Variants in DCHS2 observed in about 807,000 individuals in gnomAD.
DCHS2 encodes the protein dachsous cadherin-related 2.
DCHS2 carries 142 observed loss-of-function variants against 182.4 expected under a neutral mutation model. The observed-to-expected ratio is 0.78, with a 90% CI of 0.68 to 0.89. DCHS2 has a LOEUF of 0.89. DCHS2 is among the 40% of genes least tolerant of loss of function. The pLI, the probability that DCHS2 is intolerant of heterozygous loss-of-function variation, is 0.00. For synonymous variants in DCHS2, 1,740 were observed against 1,663.3 expected, an observed-to-expected ratio of 1.05 and a Z score of -1.12; for missense variants, 4,319 against 4,198.6, an observed-to-expected ratio of 1.03 and a Z score of -0.79.
chr4:154,417,212 A>T lies in DCHS2; in HGVS notation c.2053-39768T>A, dbSNP rs1404312633. ...GTGTGTGTGTGTGTGTGTGAGAGAG[A>T]GAGAGAGAGAGAGAGAGAGAGAGAG... is the stretch of plus-strand genomic sequence containing the variant. On this transcript the variant is annotated intron_variant, in intron 1 of 19. Coordinates refer to ENST00000357232, the MANE Select transcript of DCHS2 (RefSeq NM_001358235.2). 3.3e-3 allele frequency among the ~76,000 whole-genome samples: 251 copies of T among 75,420 alleles called. 2 individuals carry two copies. Among genetic ancestry groups the T allele is most frequent in the African/African-American group, 9.7e-3 (187 of 19,372 alleles). 49.5% of individuals were successfully genotyped at this position (75,420 alleles called of 152,430 possible). A position where few individuals can be genotyped will look rare whatever the true frequency, so the allele number is the denominator to read the frequency against.
chr4:154,435,469 G>T (rs1733738006), intron 1 of DCHS2, among the ~76,000 whole-genome samples: 1 of 151,988 alleles, frequency 6.6e-6, no homozygotes, highest in South Asian at 2.1e-4. Context: ...GGTGGTGGGT[G>T]CCTGTAGTCC....
intron 1 of DCHS2, among the ~76,000 whole-genome samples, chr4:154,393,123 T>G: frequency 6.6e-6 from 1 of 152,206 alleles, no homozygotes; most frequent in South Asian, 2.1e-4. Context: ...ACAAATGGTA[T>G]CCAACAGAAA....
chr4:154,423,912 C>T (rs533915742), intron 1 of DCHS2, among the ~76,000 whole-genome samples: 163 of 152,318 alleles, frequency 1.1e-3, no homozygotes, highest in South Asian at 2.7e-3. Flanking sequence ...AACGCCAATA[C>T]TGCTGGTCCA....
rs1485296452 is a variant in DCHS2, at chr4:154,489,572, TTTGA to T, written c.1780_1783del (p.Ser594ArgfsTer27). On this transcript the variant is annotated frameshift_variant, in exon 1 of 20. Transcript: ENST00000357232. LOFTEE classifies it high-confidence loss of function. ...TCCACACTCTGCGGTGTGGACCATC[TTTGA>T]TTGCAGGGAGCCGAGATTGCAGGGA... The T allele has an allele frequency of 6.4e-7, 1 of 1,550,998 alleles. No individual in the cohort carries two copies. The highest frequency in any genetic ancestry group is 1.2e-5 in the South Asian group (1 of 84,046).
chr4:154,278,771 A>G (rs1296427875), intron 13 of DCHS2, among the ~76,000 whole-genome samples: 1 of 152,088 alleles, frequency 6.6e-6, no homozygotes, highest in African/African-American at 2.4e-5. Flanking sequence ...AACCAAGAAT[A>G]CCACGTCTTC....
At chr4:154,386,099 C>A (rs550465937) in intron 1 of DCHS2, among the ~76,000 whole-genome samples, 76 of 152,308 alleles carry the variant, frequency 5.0e-4, no homozygotes, top group Non-Finnish European at 8.7e-4. Context: ...AACGATACTA[C>A]CATTCACTTT....
At chr4:154,485,103 CT>C (rs201276679) in intron 1 of DCHS2, among the ~76,000 whole-genome samples, 13 of 73,862 alleles carry the variant, frequency 1.8e-4, no homozygotes, top group African/African-American at 4.6e-4. Context: ...GTGTTATGAG[CT>C]TTTTTTTTTA....
intron 1 of DCHS2, 84 bp downstream of exon 1, chr4:154,489,220 A>G: frequency 8.9e-7 from 1 of 1,127,392 alleles, no homozygotes; most frequent in Non-Finnish European, 1.2e-6. Context: ...ATTATCCTCC[A>G]CATCACAATT....
chr4:154,344,929 T>C (rs968006244), intron 3 of DCHS2, among the ~76,000 whole-genome samples: 2 of 152,204 alleles, frequency 1.3e-5, no homozygotes, highest in African/African-American at 4.8e-5. Context: ...AGGTCTTGCG[T>C]GGCTGACATA....
At chr4:154,483,278 A>G (rs892805870) in intron 1 of DCHS2, among the ~76,000 whole-genome samples, 1 of 152,222 alleles carries the variant, frequency 6.6e-6, no homozygotes, top group African/African-American at 2.4e-5. Flanking sequence ...CAAGTCATCT[A>G]GAAAAAAATC....
At chr4:154,307,436 C>CGT (rs1561029452) in intron 10 of DCHS2, among the ~76,000 whole-genome samples, 5 of 29,992 alleles carry the variant, frequency 1.7e-4, no homozygotes, top group South Asian at 4.9e-3. Flanking sequence ...CACAGATGTG[C>CGT]GCGCGCACAC....
intron 1 of DCHS2, among the ~76,000 whole-genome samples, chr4:154,455,114 C>G (rs552898398): frequency 6.6e-6 from 1 of 152,224 alleles, no homozygotes; most frequent in Non-Finnish European, 1.5e-5. Flanking sequence ...GTAAACACTC[C>G]TTCACAAGTC....
chr4:154,297,840 G>A lies in DCHS2; in HGVS notation c.6463+11C>T. ...AGGTACAATATATGAAAAACTTGAA[G>A]GGACACTCACCTGCCTCACAATTTT... On this transcript the variant is annotated intron_variant, in intron 13 of 19. Coordinates refer to ENST00000357232, the MANE Select transcript of DCHS2 (RefSeq NM_001358235.2). 1 of 1,595,048 alleles carries A rather than the reference G, an allele frequency of 6.3e-7. No individual in the cohort carries two copies. The highest frequency in any genetic ancestry group is 2.2e-5 in the East Asian group (1 of 44,566).
At chr4:154,449,101 A>G (rs1734423880) in intron 1 of DCHS2, among the ~76,000 whole-genome samples, 1 of 152,210 alleles carries the variant, frequency 6.6e-6, no homozygotes, top group Non-Finnish European at 1.5e-5. Context: ...GGTAGATTTT[A>G]GAAATGGTAG....
At chr4:154,453,929 C>T (rs1459420073) in intron 1 of DCHS2, among the ~76,000 whole-genome samples, 1 of 152,076 alleles carries the variant, frequency 6.6e-6, no homozygotes, top group East Asian at 1.9e-4. Context: ...TTCATGAATG[C>T]TATGCAATTA....
At chr4:154,413,815 C>A (rs1181262856) in intron 1 of DCHS2, among the ~76,000 whole-genome samples, 2 of 152,198 alleles carry the variant, frequency 1.3e-5, no homozygotes, top group Non-Finnish European at 2.9e-5. Context: ...CTGTTACTAA[C>A]CCCAAAGCAC....
In DCHS2 at chr4:154,396,285, A is replaced by G. The variant is rs140236959; in HGVS notation, c.2053-18841T>C. Among the ~76,000 whole-genome samples the G allele has an allele frequency of 6.9e-3, 1,046 of 151,768 alleles. 12 individuals are homozygous for G. The highest frequency in any genetic ancestry group is 0.024 in the African/African-American group (982 of 41,324). ...AGGGAGGGAGGGAGGGAAAAATGGGAGATGGAAGGAAGGGTGGGGGAAGAA... is the reference window on the plus strand; with the variant it reads ...AGGGAGGGAGGGAGGGAAAAATGGGGGATGGAAGGAAGGGTGGGGGAAGAA... On this transcript the variant is annotated intron_variant, in intron 1 of 19. Transcript: ENST00000357232.
intron 1 of DCHS2, among the ~76,000 whole-genome samples, chr4:154,395,757 G>A (rs540746526): frequency 2.6e-5 from 4 of 152,290 alleles, no homozygotes; most frequent in Admixed American, 2.0e-4. Flanking sequence ...TTCTTGGAAA[G>A]CCCTCAAATA....
intron 1 of DCHS2, among the ~76,000 whole-genome samples, chr4:154,468,075 T>C (rs1018949526): frequency 2.0e-5 from 3 of 152,132 alleles, no homozygotes; most frequent in African/African-American, 7.2e-5. Context: ...TGCTATTTGG[T>C]GTCCACAGTT....
Sources: gnomAD v4.1 joint callset for allele counts (sites outside exome capture counted in the v4.1 genomes callset) on GRCh38, gnomAD v4.1.1 for gene constraint, MANE v1.5 for transcripts, NCBI Gene and HGNC (gene_info 2026-07-23, HGNC 2026-07-21) for gene names.